Variants in CNGB3 observed in about 807,000 individuals in gnomAD.
The protein encoded by CNGB3 is cyclic nucleotide-gated channel beta-3.
Under a neutral mutation model 92.8 loss-of-function variants are expected in CNGB3, and 86 were observed. That is an observed-to-expected ratio of 0.93 (90% CI 0.78 to 1.11). The LOEUF (loss-of-function observed/expected upper bound fraction) is 1.11, where lower values mean the gene tolerates loss of function less well. CNGB3 is among the 50% of genes least tolerant of loss of function. CNGB3 has a pLI of 0.00. For synonymous variants in CNGB3, 333 were observed against 332.7 expected (o/e 1.00, Z -0.01); for missense variants, 1,026 against 956.8 (o/e 1.07, Z -0.95).
intron 6 of CNGB3, among the ~76,000 whole-genome samples, chr8:86,656,113 T>A (rs1285573138): frequency 6.6e-6 from 1 of 152,234 alleles, no homozygotes; most frequent in Non-Finnish European, 1.5e-5. Flanking sequence ...TATGACATGC[T>A]CATTTAATGA....
intron 3 of CNGB3, among the ~76,000 whole-genome samples, chr8:86,722,708 TGAGA>T (rs1363819682): frequency 6.6e-6 from 1 of 152,186 alleles, no homozygotes; most frequent in Non-Finnish European, 1.5e-5. Flanking sequence ...CTGACTCTCC[TGAGA>T]GAAAGAGGGC....
intron 9 of CNGB3, among the ~76,000 whole-genome samples, chr8:86,644,169 T>C (rs1213902148): frequency 6.6e-6 from 1 of 151,340 alleles, no homozygotes; most frequent in African/African-American, 2.4e-5. Flanking sequence ...ACTTCTTCAG[T>C]TTAAGTCCCA....
chr8:86,690,629 TG>T (rs1401639335), intron 3 of CNGB3, among the ~76,000 whole-genome samples: 1 of 152,208 alleles, frequency 6.6e-6, no homozygotes, highest in Non-Finnish European at 1.5e-5. Flanking sequence ...ATGAAGTCCT[TG>T]CCCATGCCTA....
At chr8:86,684,264 A>T (rs1337910378) in intron 3 of CNGB3, among the ~76,000 whole-genome samples, 1 of 152,140 alleles carries the variant, frequency 6.6e-6, no homozygotes, top group Non-Finnish European at 1.5e-5. Context: ...ATCATTAGCT[A>T]TTGGGAAATG....
intron 4 of CNGB3, among the ~76,000 whole-genome samples, chr8:86,669,570 A>G (rs1387522260): frequency 2.6e-5 from 4 of 152,300 alleles, no homozygotes; most frequent in Non-Finnish European, 5.9e-5. Flanking sequence ...CATGTCACAC[A>G]CAATATTCTT....
At position 86,743,499 on chromosome 8, in the gene CNGB3, C is replaced by T; in HGVS notation, c.129G>A (p.Gln43=). Reference sequence around the variant, plus strand: ...TTGCATAGGAATGTAGAGGACATACCTGTGCTGTGGTTTGCTGAGACTGAT... The same window carrying T: ...TTGCATAGGAATGTAGAGGACATACTTGTGCTGTGGTTTGCTGAGACTGAT... ...PSNQSQQTTA[Q]EENKGEEKSL... Residue 43 remains glutamine, a splice_region_variant and synonymous_variant, in exon 1 of 18, where the codon CAG becomes CAA. Coordinates refer to ENST00000320005, the MANE Select transcript of CNGB3 (RefSeq NM_019098.5). 1 of 1,613,908 alleles carries T rather than the reference C, an allele frequency of 6.2e-7. No individual in the cohort carries two copies. Among genetic ancestry groups the T allele is most frequent in the Non-Finnish European group, 8.5e-7 (1 of 1,179,866 alleles).
chr8:86,693,432 A>ATTTATTTATTTAT (rs370843079), intron 3 of CNGB3, among the ~76,000 whole-genome samples: 37 of 138,052 alleles, frequency 2.7e-4, no homozygotes, highest in East Asian at 1.5e-3. Context: ...TATTATTATT[A>ATTTATTTATTTAT]TTATTTATTT....
chr8:86,665,292 A>G (rs1359714161), intron 6 of CNGB3, among the ~76,000 whole-genome samples: 2 of 152,224 alleles, frequency 1.3e-5, no homozygotes, highest in Non-Finnish European at 2.9e-5. Context: ...GCTGCAGAGA[A>G]AAGGGAGCAC....
intron 15 of CNGB3, among the ~76,000 whole-genome samples, chr8:86,597,835 T>A (rs1390005045): frequency 1.3e-5 from 2 of 151,886 alleles, no homozygotes; most frequent in Non-Finnish European, 2.9e-5. Context: ...AAAAATTAGC[T>A]GCGCACGATG....
intron 3 of CNGB3, among the ~76,000 whole-genome samples, chr8:86,694,873 ACT>A (rs1380093651): frequency 1.1e-4 from 16 of 148,050 alleles, no homozygotes; most frequent in African/African-American, 4.0e-4. Context: ...CCAGGCAGAG[ACT>A]CTCCTCACTT....
intron 15 of CNGB3, chr8:86,593,767 GCAGTA>G (rs1822106356): frequency 1.5e-6 from 2 of 1,300,192 alleles, no homozygotes; most frequent in Admixed American, 1.8e-5. Flanking sequence ...GGATGCCAGG[GCAGTA>G]CTTATCAATG....
intron 13 of CNGB3, among the ~76,000 whole-genome samples, chr8:86,614,700 A>C (rs575983019): frequency 6.6e-6 from 1 of 152,304 alleles, no homozygotes; most frequent in African/African-American, 2.4e-5. Context: ...CGAAAGCCAC[A>C]ACGGCATCGG....
chr8:86,587,917 A>G (rs1046535395), intron 15 of CNGB3, among the ~76,000 whole-genome samples: 1 of 151,980 alleles, frequency 6.6e-6, no homozygotes, highest in Non-Finnish European at 1.5e-5. Flanking sequence ...GAATCTGTAA[A>G]TTACCTTGGG....
At chr8:86,688,701 A>T (rs961657772) in intron 3 of CNGB3, among the ~76,000 whole-genome samples, 2 of 150,642 alleles carry the variant, frequency 1.3e-5, no homozygotes, top group African/African-American at 4.9e-5. Context: ...ATTTGGATAT[A>T]TTTTTTTCTT....
chr8:86,600,771 G>A (rs1038106277), intron 15 of CNGB3, among the ~76,000 whole-genome samples: 7 of 126,022 alleles, frequency 5.6e-5, no homozygotes, highest in Non-Finnish European at 1.1e-4. Flanking sequence ...CACCACGCTC[G>A]GCTAATTTTT....
At position 86,590,316 on chromosome 8, in the gene CNGB3, A is replaced by T. The variant is rs7818788; in HGVS notation, c.1782-11064T>A. Among the ~76,000 whole-genome samples the T allele has an allele frequency of 6.9e-3, 1,054 of 152,066 alleles. 15 individuals are homozygous for T. The highest frequency in any genetic ancestry group is 0.024 in the African/African-American group (1,009 of 41,456). ...CCAATTTGCCAGTCTGTGTCTTTTA[A>T]TTGGAGGATTTAGTCCATTTACATT... On this transcript the variant is annotated intron_variant, in intron 15 of 17. Transcript: ENST00000320005.
rs1821980282 is a variant in CNGB3 at position 86,589,608 on chromosome 8, T to C, written c.1782-10356A>G. Reference sequence around the variant, plus strand: ...CATTTCGTTATGTACCCAGTAGTCATTCAGGAGCAGGTTGTTCAGTTTCCA... The same window carrying C: ...CATTTCGTTATGTACCCAGTAGTCACTCAGGAGCAGGTTGTTCAGTTTCCA... On this transcript the variant is annotated intron_variant, in intron 15 of 17. Transcript: ENST00000320005. Among the ~76,000 whole-genome samples the C allele has an allele frequency of 2.0e-5, 3 of 152,222 alleles. 1 individual carries two copies. The South Asian group carries it at 6.2e-4, about 32-fold the overall frequency.
At chr8:86,671,283 T>G (rs1280440295) in intron 3 of CNGB3, among the ~76,000 whole-genome samples, 185 bp from the exon 4 acceptor site, 1 of 152,214 alleles carries the variant, frequency 6.6e-6, no homozygotes, top group East Asian at 1.9e-4. Context: ...GATTTGTTAT[T>G]AAAAAAATTA....
chr8:86,743,335 A>C (rs994946468), intron 1 of CNGB3, among the ~76,000 whole-genome samples, 164 bp downstream of exon 1: 3 of 152,246 alleles, frequency 2.0e-5, no homozygotes, highest in Non-Finnish European at 2.9e-5. Context: ...GAACAAATAC[A>C]TACAGAATAT....
Sources: gnomAD v4.1 joint callset for allele counts (sites outside exome capture counted in the v4.1 genomes callset) on GRCh38, gnomAD v4.1.1 for gene constraint, MANE v1.5 for transcripts, NCBI Gene and HGNC (gene_info 2026-07-23, HGNC 2026-07-21) for gene names.